The following CSMD1 variants were observed in gnomAD, a reference collection of about 807,000 sequenced individuals.
CSMD1 encodes the protein CUB and sushi domain-containing protein 1.
CSMD1 carries 213 observed loss-of-function variants against 417.5 expected under a neutral mutation model. The ratio of observed to expected loss-of-function variants is 0.51; its 90% CI spans 0.46 to 0.57. The LOEUF (loss-of-function observed/expected upper bound fraction) is 0.57. Among genes scored for constraint, CSMD1 ranks in the 20% least tolerant of loss-of-function variants. CSMD1 has a pLI of 0.00. For synonymous variants in CSMD1, 2,862 were observed against 1,736.8 expected, an observed-to-expected ratio of 1.65 and a Z score of -16.11; for missense variants, 6,923 against 4,529.7, an observed-to-expected ratio of 1.53 and a Z score of -15.17.
chr8:4,781,103 G>A (rs1797129377), intron 1 of CSMD1, among the ~76,000 whole-genome samples: 1 of 152,110 alleles, frequency 6.6e-6, no homozygotes, highest in South Asian at 2.1e-4. Flanking sequence ...CTCATCTTCT[G>A]GTGGTGTCTT....
At chr8:4,478,535 A>G (rs1389217498) in intron 2 of CSMD1, among the ~76,000 whole-genome samples, 2 of 152,218 alleles carry the variant, frequency 1.3e-5, no homozygotes, top group East Asian at 3.8e-4. Flanking sequence ...AATTTAATAC[A>G]CTGCCTTCCA....
At chr8:4,628,397 C>CAT (rs995965952) in intron 2 of CSMD1, among the ~76,000 whole-genome samples, 7 of 128,452 alleles carry the variant, frequency 5.4e-5, no homozygotes, top group South Asian at 2.4e-4. Flanking sequence ...TATATATACA[C>CAT]ATATATATAC....
In CSMD1 at chr8:4,444,390, G is replaced by C. The variant is rs191499618; in HGVS notation, c.303-24325C>G. On this transcript the variant is annotated intron_variant, in intron 2 of 69. Transcript: ENST00000635120. ...AAAAAAAAAAAAGCAGAGGTTCTTG[G>C]AGTAGGTCATGCTGAATGTGGTGCT... 2.6e-3 allele frequency among the ~76,000 whole-genome samples: 363 copies of C among 138,714 alleles called. 1 individual carries two copies. Among genetic ancestry groups the C allele is most frequent in the Non-Finnish European group, 4.2e-3 (273 of 65,646 alleles). The allele number at this position is 138,714 out of a possible 152,430, so 91.0% of individuals were successfully genotyped here. A position where few individuals can be genotyped will look rare whatever the true frequency, so the allele number is the denominator to read the frequency against.
chr8:4,146,520 G>C lies in CSMD1; in HGVS notation c.416-114421C>G, dbSNP rs144381935. On this transcript the variant is annotated intron_variant, in intron 3 of 69. Coordinates refer to ENST00000635120, the MANE Select transcript of CSMD1 (RefSeq NM_033225.6). ...AGACGTTGTGATGTGCACAGTGTGT[G>C]TTCTCTGGTTAAAACACCACAACTC... Among the ~76,000 whole-genome samples, 336 of 142,240 alleles carry C rather than the reference G, an allele frequency of 2.4e-3. 16 individuals carry two copies. Among genetic ancestry groups the C allele is most frequent in the African/African-American group, 8.3e-3 (313 of 37,672 alleles). 93.3% of individuals were successfully genotyped at this position (142,240 alleles called of 152,430 possible). A position where few individuals can be genotyped will look rare whatever the true frequency, so the allele number is the denominator to read the frequency against.
intron 3 of CSMD1, among the ~76,000 whole-genome samples, chr8:4,413,880 G>C (rs1389222463): frequency 6.6e-6 from 1 of 152,114 alleles, no homozygotes; most frequent in Non-Finnish European, 1.5e-5. Context: ...AAGGATACCT[G>C]GGTTTACCAG....
At chr8:3,735,465 G>C (rs555098070) in intron 6 of CSMD1, among the ~76,000 whole-genome samples, 3 of 152,308 alleles carry the variant, frequency 2.0e-5, no homozygotes, top group African/African-American at 7.2e-5. Context: ...AAATGTTTTA[G>C]AAGTCTCTGT....
At chr8:2,960,330 C>T (rs1803348262) in intron 62 of CSMD1, among the ~76,000 whole-genome samples, 1 of 152,220 alleles carries the variant, frequency 6.6e-6, no homozygotes, top group African/African-American at 2.4e-5. Context: ...AATGGCCACT[C>T]TGTGTCCGAG....
chr8:3,018,968 A>G (rs1809116837), intron 51 of CSMD1, among the ~76,000 whole-genome samples: 1 of 152,168 alleles, frequency 6.6e-6, no homozygotes, highest in Non-Finnish European at 1.5e-5. Flanking sequence ...ACCAGGTTGG[A>G]GTGCAGTGGC....
At chr8:4,512,744 T>C (rs1802890444) in intron 2 of CSMD1, among the ~76,000 whole-genome samples, 1 of 151,058 alleles carries the variant, frequency 6.6e-6, no homozygotes, top group Non-Finnish European at 1.5e-5. Context: ...ACATACAAAA[T>C]GTATATGAAG....
chr8:3,364,082 T>C (rs62503463), intron 20 of CSMD1, among the ~76,000 whole-genome samples: 7,105 of 152,238 alleles, frequency 0.047, 201 homozygotes, highest in Middle Eastern at 0.092. Context: ...ATGAATACCA[T>C]TTATGATAAA....
At chr8:4,406,096 A>T (rs1477446711) in intron 3 of CSMD1, among the ~76,000 whole-genome samples, 1 of 152,154 alleles carries the variant, frequency 6.6e-6, no homozygotes, top group Non-Finnish European at 1.5e-5. Flanking sequence ...TGACAGCACT[A>T]ATTCATTTCA....
chr8:4,466,040 A>G (rs1325877011), intron 2 of CSMD1, among the ~76,000 whole-genome samples: 1 of 152,232 alleles, frequency 6.6e-6, no homozygotes, highest in Non-Finnish European at 1.5e-5. Context: ...AATTACTTTT[A>G]TTACCATCCA....
intron 26 of CSMD1, among the ~76,000 whole-genome samples, chr8:3,267,118 T>TC (rs113940231): frequency 5.2e-4 from 79 of 152,128 alleles, no homozygotes; most frequent in African/African-American, 1.8e-3. Flanking sequence ...GAAAGAGGCT[T>TC]CCACCCAGAG....
intron 7 of CSMD1, among the ~76,000 whole-genome samples, chr8:3,644,442 T>C (rs1276660440): frequency 1.3e-5 from 2 of 151,982 alleles, no homozygotes; most frequent in Admixed American, 1.3e-4. Context: ...ATAGGCACGG[T>C]AGAAAGAAAA....
At chr8:4,375,148 T>C (rs1398915401) in intron 3 of CSMD1, among the ~76,000 whole-genome samples, 1 of 152,018 alleles carries the variant, frequency 6.6e-6, no homozygotes, top group Admixed American at 6.6e-5. Flanking sequence ...TAGGTGAAAA[T>C]ACAGTGTTAG....
intron 3 of CSMD1, among the ~76,000 whole-genome samples, chr8:4,383,485 G>A (rs1315940963): frequency 4.6e-5 from 7 of 152,038 alleles, no homozygotes; most frequent in Admixed American, 1.3e-4. Context: ...GTGATCTGTC[G>A]TCTGTAATTT....
intron 2 of CSMD1, among the ~76,000 whole-genome samples, chr8:4,467,463 G>A (rs910161115): frequency 2.6e-5 from 4 of 152,180 alleles, no homozygotes; most frequent in African/African-American, 9.7e-5. Context: ...AATCTTGGCT[G>A]TCTTTGTGCC....
rs1813915335 is a variant in CSMD1, at chr8:3,427,357, C to G, written c.1562-17752G>C. 2.0e-5 allele frequency among the ~76,000 whole-genome samples: 3 copies of G among 152,154 alleles called. No individual in the cohort carries two copies. The South Asian group carries it at 6.2e-4, about 32-fold the overall frequency. ...AATCAGTACTGATTTTTCTTCAAGT[C>G]AAAACTTCTCATAAAAAGATGGTCC... On this transcript the variant is annotated intron_variant, in intron 12 of 69. Transcript: ENST00000635120.
intron 18 of CSMD1, among the ~76,000 whole-genome samples, chr8:3,385,873 G>C (rs1563334280): frequency 1.3e-5 from 2 of 151,792 alleles, no homozygotes; most frequent in Non-Finnish European, 2.9e-5. Flanking sequence ...CCAGGGCTGG[G>C]TATGCATAGT....
Sources: allele counts gnomAD v4.1 joint callset (sites outside exome capture counted in the v4.1 genomes callset), GRCh38; gene constraint gnomAD v4.1.1; transcripts MANE v1.5; gene names NCBI Gene and HGNC (gene_info 2026-07-23, HGNC 2026-07-21).